The following SSBP3 variants were observed in gnomAD, a reference collection of about 807,000 sequenced individuals.
The protein encoded by SSBP3 is single stranded DNA binding protein 3, also known as single-stranded DNA-binding protein 3.
In SSBP3, 5 loss-of-function variants were observed where a neutral mutation model predicts 69.6. That is an observed-to-expected ratio of 0.07 (90% CI 0.04 to 0.15). The LOEUF (loss-of-function observed/expected upper bound fraction) is 0.15, where lower values mean the gene tolerates loss of function less well. Among genes scored for constraint, SSBP3 ranks in the 10% least tolerant of loss-of-function variants. The probability of loss-of-function intolerance (pLI) is 1.00; values close to 1 mark genes in which losing one functional copy is unlikely to be tolerated. For synonymous variants in SSBP3, 196 were observed against 193.4 expected (o/e 1.01, Z -0.11); for missense variants, 312 against 534.0 (o/e 0.58, Z 4.10).
At chr1:54,382,917 G>A (rs548310615) in intron 4 of SSBP3, among the ~76,000 whole-genome samples, 3 of 150,932 alleles carry the variant, frequency 2.0e-5, no homozygotes, top group South Asian at 2.1e-4. Flanking sequence ...CCCAGGAGGC[G>A]GAGGCTGCGG....
At chr1:54,397,197 G>A (rs1648955435) in intron 4 of SSBP3, among the ~76,000 whole-genome samples, 1 of 152,228 alleles carries the variant, frequency 6.6e-6, no homozygotes, top group Admixed American at 6.5e-5. Flanking sequence ...TCACAGGGCA[G>A]CACACTCCCC....
chr1:54,406,698 G>A (rs975056644), upstream of SSBP3, among the ~76,000 whole-genome samples: 8 of 152,044 alleles, frequency 5.3e-5, 1 homozygote, highest in South Asian at 6.2e-4. Context: ...AGCGAGGAGG[G>A]GGATCTGACC....
rs367622961 is a variant in SSBP3 at position 54,260,155 on chromosome 1, T to C, written c.367-2006A>G. On this transcript the variant is annotated intron_variant, in intron 5 of 17. Transcript: ENST00000610401. ...TTTGTACCACGTAACTTGGGTGTAA[T>C]GTAAACAAAACAAGATAATTTGAAG... Among the ~76,000 whole-genome samples the C allele has an allele frequency of 3.3e-5, 5 of 152,294 alleles. No individual in the cohort carries two copies. In the East Asian group the frequency reaches 7.7e-4, roughly 23 times the overall value.
At chr1:54,291,781 G>A (rs1375006739) in intron 4 of SSBP3, among the ~76,000 whole-genome samples, 7 of 152,228 alleles carry the variant, frequency 4.6e-5, no homozygotes, top group Non-Finnish European at 8.8e-5. Flanking sequence ...ACGAAGCGCT[G>A]GGCACTTATT....
At chr1:54,274,156 C>T (rs1250845017) in intron 5 of SSBP3, among the ~76,000 whole-genome samples, 5 of 152,170 alleles carry the variant, frequency 3.3e-5, no homozygotes, top group African/African-American at 1.2e-4. Context: ...GAGGGCCAGG[C>T]GAGACCCAGA....
chr1:54,357,716 A>C (rs1646890786), intron 4 of SSBP3, among the ~76,000 whole-genome samples: 1 of 152,264 alleles, frequency 6.6e-6, no homozygotes. Flanking sequence ...AGCCTGGTTA[A>C]CATAGCAAGA....
At chr1:54,388,145 GAC>G (rs1034604412) in intron 4 of SSBP3, among the ~76,000 whole-genome samples, 1 of 150,320 alleles carries the variant, frequency 6.7e-6, no homozygotes, top group African/African-American at 2.5e-5. Flanking sequence ...TTTTTTTTAA[GAC>G]ACACGTTTAC....
chr1:54,298,896 A>C (rs1455110630), intron 4 of SSBP3, among the ~76,000 whole-genome samples: 1 of 150,490 alleles, frequency 6.6e-6, no homozygotes, highest in Non-Finnish European at 1.5e-5. Context: ...CAGTGGTGAG[A>C]AATTCTGCAG....
intron 4 of SSBP3, among the ~76,000 whole-genome samples, chr1:54,299,737 C>A (rs1276953842): frequency 1.3e-5 from 2 of 152,166 alleles, no homozygotes; most frequent in Admixed American, 6.5e-5. Context: ...AGGCCTGGAC[C>A]ACTACATCAG....
chr1:54,294,142 C>CAAAAAA (rs1223376233), intron 4 of SSBP3, among the ~76,000 whole-genome samples: 7 of 41,360 alleles, frequency 1.7e-4, no homozygotes, highest in East Asian at 2.5e-3. Context: ...GACTCCATCT[C>CAAAAAA]AAAAAAAAAA....
In SSBP3 at chr1:54,358,296, A is replaced by G. The variant is rs1396053033; in HGVS notation, c.276+43565T>C. On this transcript the variant is annotated intron_variant, in intron 4 of 17. Transcript: ENST00000610401. ...CGGGCTCCATTTCTACCTTGTGTGC[A>G]ACAGACCCTCAGTATTTAGATACGG... is the stretch of plus-strand genomic sequence containing the variant. Among the ~76,000 whole-genome samples, 3 of 152,288 alleles carry G rather than the reference A, an allele frequency of 2.0e-5. No homozygotes were observed. The East Asian group carries it at 5.8e-4, about 29-fold the overall frequency.
intron 12 of SSBP3, 78 bp from the exon 13 acceptor site, chr1:54,241,037 G>C (rs1644627697): frequency 1.3e-6 from 2 of 1,488,418 alleles, no homozygotes; most frequent in African/African-American, 1.4e-5. Flanking sequence ...CTCCCTCCCT[G>C]GTCAGCAGCA....
intron 4 of SSBP3, among the ~76,000 whole-genome samples, chr1:54,380,641 G>A (rs1569997283): frequency 6.6e-6 from 1 of 152,254 alleles, no homozygotes. Flanking sequence ...ACCTACGGAG[G>A]GGTATTCCAG....
intron 9 of SSBP3, among the ~76,000 whole-genome samples, chr1:54,247,171 C>A (rs1644749096): frequency 6.6e-6 from 1 of 152,250 alleles, no homozygotes; most frequent in Admixed American, 6.5e-5. Context: ...GTGGCTGCTG[C>A]TCCCTCCTGC....
rs573856068 is a variant in SSBP3 at position 54,404,819 on chromosome 1, G to T, written c.129+39C>A. On this transcript the variant is annotated intron_variant, in intron 2 of 17. Coordinates refer to ENST00000610401, the Ensembl canonical transcript of SSBP3. ...GGCTCTAAGAATAGTGGGGGGGGGG[G>T]GTGTCAAGAAATTGGATGCTGGGGG... 289 of 1,079,974 alleles carry T rather than the reference G, an allele frequency of 2.7e-4. 3 individuals carry two copies. The highest frequency in any genetic ancestry group is 7.3e-4 in the South Asian group (56 of 76,540). 66.9% of individuals were successfully genotyped at this position (1,079,974 alleles called of 1,614,324 possible). A position where few individuals can be genotyped will look rare whatever the true frequency, so the allele number is the denominator to read the frequency against.
In SSBP3 at chr1:54,264,079, T is replaced by C. The variant is rs545569056; in HGVS notation, c.367-5930A>G. Among the ~76,000 whole-genome samples, 7 of 152,200 alleles carry C rather than the reference T, an allele frequency of 4.6e-5. No homozygotes were observed. In the South Asian group the frequency reaches 6.2e-4, roughly 14 times the overall value. ...ATTTTGGGAGGCCGAGGCAGGAGGA[T>C]TGCTTGAGCCCAGGAGTTTGAGACC... On this transcript the variant is annotated intron_variant, in intron 5 of 17. Coordinates refer to ENST00000610401, the Ensembl canonical transcript of SSBP3.
intron 11 of SSBP3, among the ~76,000 whole-genome samples, chr1:54,241,767 G>A (rs775613420): frequency 6.6e-6 from 1 of 152,204 alleles, no homozygotes; most frequent in African/African-American, 2.4e-5. Context: ...GACATAGAAG[G>A]CCCTCCGGTT....
rs114849042 is a variant in SSBP3, at chr1:54,332,944, A to G, written c.277-51417T>C. 6.1e-3 allele frequency among the ~76,000 whole-genome samples: 934 copies of G among 152,158 alleles called. 16 individuals are homozygous for G. The highest frequency in any genetic ancestry group is 0.021 in the African/African-American group (877 of 41,498). ...CACACACACGCGCGAGCACACACAC[A>G]CGCGTGCGCCTCCTCCCACGCAGCA... On this transcript the variant is annotated intron_variant, in intron 4 of 17. Coordinates refer to ENST00000610401, the Ensembl canonical transcript of SSBP3.
chr1:54,270,646 T>C (rs1399123342), intron 5 of SSBP3, among the ~76,000 whole-genome samples: 1 of 152,186 alleles, frequency 6.6e-6, no homozygotes, highest in East Asian at 1.9e-4. Context: ...GAGGCAGCTC[T>C]TGTTCTTGGG....
Sources: gnomAD v4.1 joint callset for allele counts (sites outside exome capture counted in the v4.1 genomes callset) on GRCh38, gnomAD v4.1.1 for gene constraint, MANE v1.5 for transcripts, NCBI Gene and HGNC (gene_info 2026-07-23, HGNC 2026-07-21) for gene names.